The following PEX3 variants were observed in gnomAD, a reference collection of about 807,000 sequenced individuals.
PEX3 encodes peroxisomal biogenesis factor 3, also known as peroxin-3.
Under a neutral mutation model 55.8 loss-of-function variants are expected in PEX3, and 30 were observed. The observed-to-expected ratio is 0.54, with a 90% CI of 0.40 to 0.73. The LOEUF (loss-of-function observed/expected upper bound fraction) is 0.73. Ranked by LOEUF, PEX3 falls within the 30% of genes least tolerant of loss-of-function variation. PEX3 has a pLI of 0.00. For missense variants in PEX3, 351 were observed against 432.8 expected, an observed-to-expected ratio of 0.81 and a Z score of 1.68; for synonymous variants, 135 against 148.4, an observed-to-expected ratio of 0.91 and a Z score of 0.66.
chr6:143,483,992 C>T lies in PEX3; in HGVS notation c.942-1160C>T, dbSNP rs1468607231. Among the ~76,000 whole-genome samples the T allele has an allele frequency of 6.6e-6, 1 of 151,930 alleles. No individual in the cohort carries two copies. The highest frequency in any genetic ancestry group is 1.5e-5 in the Non-Finnish European group (1 of 67,952). On this transcript the variant is annotated intron_variant, in intron 10 of 11. Transcript: ENST00000367591. The surrounding 1 kb of genome is among the most constrained non-coding windows in gnomAD (Gnocchi z 4.3). ...TCCCTCAGGAATACATAAATCTTCC[C>T]ACTTCCTTTATTCTTTTTTAAGCAT...
chr6:143,474,819 A>G lies in PEX3; in HGVS notation c.781A>G (p.Ile261Val), dbSNP rs1435847758. 5.0e-6 allele frequency: 8 copies of G among 1,595,480 alleles called. No homozygotes were observed. Among genetic ancestry groups the G allele is most frequent in the African/African-American group, 4.0e-5 (3 of 74,718 alleles). ...CGLSPRDITTIKLLNETRDML... is the reference protein window; with the variant it reads ...CGLSPRDITTVKLLNETRDML... ...ACTTTCTCCTCGAGACATTACCACTATTAAACTTCTCAATGAAACTAGAGA... is the reference window on the plus strand; with the variant it reads ...ACTTTCTCCTCGAGACATTACCACTGTTAAACTTCTCAATGAAACTAGAGA... Residue 261 changes from isoleucine to valine, a missense_variant, in exon 9 of 12, where the codon ATT becomes GTT. Ile to Val is a conservative substitution (Grantham distance 29). Coordinates refer to ENST00000367591, the MANE Select transcript of PEX3 (RefSeq NM_003630.3).
rs376130803 is a variant in PEX3 at position 143,462,994 on chromosome 6, A to G, written c.284A>G (p.Asn95Ser). ...GAGAGCCTCACAGCTCTGCTAAAAA[A>G]CAGGTAAATGCAAGTTACAGCATTT... The part of the protein sequence containing the change: ...NSESLTALLK[N>S]RPSNKLEIWE... Residue 95 changes from asparagine to serine, a missense_variant, in exon 3 of 12, where the codon AAC becomes AGC. Physicochemically the swap from Asn to Ser is conservative, Grantham distance 46. Transcript: ENST00000367591. This position sits in a 1 kb window ranked among gnomAD's most constrained non-coding sequence, Gnocchi z 4.1. The G allele has an allele frequency of 3.7e-6, 6 of 1,610,582 alleles. No homozygotes were observed. Among genetic ancestry groups the G allele is most frequent in the African/African-American group, 1.3e-5 (1 of 74,970 alleles).
rs553544431 is a variant in PEX3, at chr6:143,461,604, G to A, written c.206-1312G>A. The stretch of plus-strand genomic sequence containing the variant: ...TAGAAAAAAAAAAAAAGAGTGCTTT[G>A]GGGTAAATATAAGTAGTTTTCTTAC... On this transcript the variant is annotated intron_variant, in intron 2 of 11. Coordinates refer to ENST00000367591, the MANE Select transcript of PEX3 (RefSeq NM_003630.3). Among the ~76,000 whole-genome samples, 81 of 151,756 alleles carry A rather than the reference G, an allele frequency of 5.3e-4. 3 individuals carry two copies. In the South Asian group the frequency reaches 0.016, roughly 31 times the overall value.
At chr6:143,474,212 G>A (rs1264739697) in intron 8 of PEX3, among the ~76,000 whole-genome samples, 4 of 152,212 alleles carry the variant, frequency 2.6e-5, no homozygotes, top group South Asian at 2.1e-4. Flanking sequence ...CACTTTGGGA[G>A]GCCGAGGCAG....
chr6:143,484,067 C>G (rs1433987747), intron 10 of PEX3, among the ~76,000 whole-genome samples: 1 of 152,030 alleles, frequency 6.6e-6, no homozygotes, highest in Admixed American at 6.6e-5. Context: ...AGCTTCAGCA[C>G]TTGCATGATA....
rs1779946961 is a variant in PEX3 at position 143,463,064 on chromosome 6, A to G, written c.287+67A>G. On this transcript the variant is annotated intron_variant, in intron 3 of 11. Coordinates refer to ENST00000367591, the MANE Select transcript of PEX3 (RefSeq NM_003630.3). The surrounding 1 kb of genome is among the most constrained non-coding windows in gnomAD (Gnocchi z 5.7). ...TAAAGTTTATAGAATGAACTGATAG[A>G]CTTTTCAAAAATCTTTGTTATTTTT... The G allele has an allele frequency of 8.7e-7, 1 of 1,148,180 alleles. No homozygotes were observed. The highest frequency in any genetic ancestry group is 1.3e-6 in the Non-Finnish European group (1 of 765,050). 71.1% of individuals were successfully genotyped at this position (1,148,180 alleles called of 1,614,324 possible).
In PEX3 at chr6:143,471,117, C is replaced by G. The variant is rs1472548015; in HGVS notation, c.456+32C>G. 1.2e-6 allele frequency: 2 copies of G among 1,602,924 alleles called. No homozygotes were observed. The highest frequency in any genetic ancestry group is 3.3e-5 in the Admixed American group (2 of 59,998). ...TTAATAGACTTAAATAGACATTGTT[C>G]TTTCCCTCAGGAGGTTCAAAGTTTA... On this transcript the variant is annotated intron_variant, in intron 5 of 11. Transcript: ENST00000367591. This position sits in a 1 kb window ranked among gnomAD's most constrained non-coding sequence, Gnocchi z 5.4.
intron 4 of PEX3, among the ~76,000 whole-genome samples, chr6:143,469,115 G>A (rs1780035601): frequency 6.6e-6 from 1 of 152,120 alleles, no homozygotes; most frequent in Non-Finnish European, 1.5e-5. Context: ...TTGCTATTGT[G>A]AATAGTGCTG....
chr6:143,474,320 G>A (rs114214070), intron 8 of PEX3, among the ~76,000 whole-genome samples: 2,419 of 152,006 alleles, frequency 0.016, 61 homozygotes, highest in African/African-American at 0.056. Flanking sequence ...TTAGCCGGTC[G>A]TGGTGGCGCA....
chr6:143,467,631 G>T (rs990140909), intron 3 of PEX3, among the ~76,000 whole-genome samples: 2 of 152,194 alleles, frequency 1.3e-5, no homozygotes, highest in Admixed American at 1.3e-4. Flanking sequence ...AAATCAAAAG[G>T]ATTCAGGAGG....
In PEX3 at chr6:143,453,662, C is replaced by T. The variant is rs914390610; in HGVS notation, c.73+2547C>T. On this transcript the variant is annotated intron_variant, in intron 1 of 11. Transcript: ENST00000367591. This position sits in a 1 kb window ranked among gnomAD's most constrained non-coding sequence, Gnocchi z 4.6. ...TATGAAGATTTGCCTGACATCTTCACACTTTCCTCACTCATGCGATCCTCT... is the reference window on the plus strand; with the variant it reads ...TATGAAGATTTGCCTGACATCTTCATACTTTCCTCACTCATGCGATCCTCT... Among the ~76,000 whole-genome samples the T allele has an allele frequency of 1.3e-5, 2 of 152,154 alleles. No individual in the cohort carries two copies. Among genetic ancestry groups the T allele is most frequent in the African/African-American group, 2.4e-5 (1 of 41,418 alleles).
At position 143,485,098 on chromosome 6, in the gene PEX3, T is replaced by TA. The variant is rs1192552580; in HGVS notation, c.942-51dup. 4.2e-6 allele frequency: 4 copies of TA among 952,852 alleles called. No individual in the cohort carries two copies. The African/African-American group carries it at 6.4e-5, about 15-fold the overall frequency. 59.0% of individuals were successfully genotyped at this position (952,852 alleles called of 1,614,324 possible). A position where few individuals can be genotyped will look rare whatever the true frequency, so the allele number is the denominator to read the frequency against. On this transcript the variant is annotated intron_variant, in intron 10 of 11. Coordinates refer to ENST00000367591, the MANE Select transcript of PEX3 (RefSeq NM_003630.3). This position sits in a 1 kb window ranked among gnomAD's most constrained non-coding sequence, Gnocchi z 5.6. Reference sequence around the variant, plus strand: ...TGTATTACTTTTATAATTAAGATGTTAAAGTCCTGTGGGGTCATTTCAGAA... The same window carrying TA: ...TGTATTACTTTTATAATTAAGATGTTAAAAGTCCTGTGGGGTCATTTCAGAA...
rs554203538 is a variant in PEX3 at position 143,464,370 on chromosome 6, G to C, written c.287+1373G>C. 1.0e-3 allele frequency among the ~76,000 whole-genome samples: 152 copies of C among 152,064 alleles called. 1 individual carries two copies. Among genetic ancestry groups the C allele is most frequent in the African/African-American group, 3.2e-3 (131 of 41,526 alleles). ...TCCATGTGCTTTAGGGGATTTAATAGTTAAGATCAAGTCTCTTTAAGACCT... is the reference window on the plus strand; with the variant it reads ...TCCATGTGCTTTAGGGGATTTAATACTTAAGATCAAGTCTCTTTAAGACCT... On this transcript the variant is annotated intron_variant, in intron 3 of 11. Coordinates refer to ENST00000367591, the MANE Select transcript of PEX3 (RefSeq NM_003630.3). The surrounding 1 kb of genome is among the most constrained non-coding windows in gnomAD (Gnocchi z 5.8).
intron 8 of PEX3, among the ~76,000 whole-genome samples, chr6:143,473,535 A>G (rs114074918): frequency 0.011 from 1,670 of 152,264 alleles, 26 homozygotes; most frequent in African/African-American, 0.038. Context: ...TTAAGATTGA[A>G]AGGACACATA....
chr6:143,480,574 A>G (rs941362048), intron 10 of PEX3, among the ~76,000 whole-genome samples: 1 of 152,192 alleles, frequency 6.6e-6, no homozygotes, highest in African/African-American at 2.4e-5. Flanking sequence ...CTTTACTCAT[A>G]CAAGGCACTC....
At position 143,485,266 on chromosome 6, in the gene PEX3, G is replaced by T; in HGVS notation, c.1038+18G>T. 1.5e-6 allele frequency: 2 copies of T among 1,376,716 alleles called. No homozygotes were observed. Among genetic ancestry groups the T allele is most frequent in the Non-Finnish European group, 2.1e-6 (2 of 963,800 alleles). The allele number at this position is 1,376,716 out of a possible 1,614,324, so 85.3% of individuals were successfully genotyped here. A position where few individuals can be genotyped will look rare whatever the true frequency, so the allele number is the denominator to read the frequency against. On this transcript the variant is annotated intron_variant, in intron 11 of 11. Transcript: ENST00000367591. The surrounding 1 kb of genome is among the most constrained non-coding windows in gnomAD (Gnocchi z 5.6). ...TTGTTCAGGTAAGAAGAAAGCTTGG[G>T]AGTGTTATTAAAAGCAAATTATATT...
chr6:143,454,906 C>T lies in PEX3; in HGVS notation c.73+3791C>T, dbSNP rs527969181. ...TTAACTTGGAAAAGTAGCTAGAGTA[C>T]AGATTGTGAAGGGCCTTATGAAGCC... On this transcript the variant is annotated intron_variant, in intron 1 of 11. Transcript: ENST00000367591. This position sits in a 1 kb window ranked among gnomAD's most constrained non-coding sequence, Gnocchi z 4.3. Among the ~76,000 whole-genome samples, 1 of 152,310 alleles carries T rather than the reference C, an allele frequency of 6.6e-6. No individual in the cohort carries two copies. The highest frequency in any genetic ancestry group is 1.9e-4 in the East Asian group (1 of 5,188).
chr6:143,467,688 C>T (rs192209686), intron 3 of PEX3, among the ~76,000 whole-genome samples: 67 of 152,046 alleles, frequency 4.4e-4, no homozygotes, highest in African/African-American at 1.5e-3. Flanking sequence ...GTTTGAACAT[C>T]GATAGAGATA....
At chr6:143,470,431 G>A (rs1045613396) in intron 4 of PEX3, among the ~76,000 whole-genome samples, 1 of 152,070 alleles carries the variant, frequency 6.6e-6, no homozygotes, top group East Asian at 1.9e-4. Flanking sequence ...TTTTCCTTCT[G>A]CTAGGACTCT....
Sources: gnomAD v4.1 joint callset for allele counts (sites outside exome capture counted in the v4.1 genomes callset) on GRCh38, gnomAD v4.1.1 for gene constraint, Gnocchi (gnomAD v3.1) non-coding constraint, MANE v1.5 for transcripts, NCBI Gene and HGNC (gene_info 2026-07-23, HGNC 2026-07-21) for gene names.